Variants in DLG2 observed in about 807,000 individuals in gnomAD.
The protein encoded by DLG2 is disks large homolog 2.
DLG2 carries 45 observed loss-of-function variants against 132.5 expected under a neutral mutation model. The ratio of observed to expected loss-of-function variants is 0.34; its 90% CI spans 0.27 to 0.44. DLG2 has a LOEUF of 0.44. Among genes scored for constraint, DLG2 ranks in the 20% least tolerant of loss-of-function variants. The probability of loss-of-function intolerance (pLI) is 1.00; values close to 1 mark genes in which losing one functional copy is unlikely to be tolerated. For missense variants in DLG2, 1,045 were observed against 1,196.9 expected (o/e 0.87, Z 1.87); for synonymous variants, 424 against 419.6 (o/e 1.01, Z -0.13).
intron 3 of DLG2, among the ~76,000 whole-genome samples, chr11:85,370,689 C>T (rs765826807): frequency 5.3e-5 from 8 of 152,066 alleles, no homozygotes; most frequent in East Asian, 1.9e-4. Flanking sequence ...AACAGCCTTC[C>T]GAAAATCAAA....
At chr11:85,205,731 C>G (rs371963659) in intron 4 of DLG2, among the ~76,000 whole-genome samples, 1 of 152,032 alleles carries the variant, frequency 6.6e-6, no homozygotes, top group Admixed American at 6.6e-5. Flanking sequence ...AAATGAGCAG[C>G]CCAATTAGGA....
rs368360420 is a variant in DLG2, at chr11:84,578,422, T to A, written c.358-43691A>T. Among the ~76,000 whole-genome samples the A allele has an allele frequency of 2.7e-3, 409 of 152,318 alleles. 2 individuals are homozygous for A. Among genetic ancestry groups the A allele is most frequent in the African/African-American group, 9.5e-3 (395 of 41,574 alleles). On this transcript the variant is annotated intron_variant, in intron 6 of 27. Coordinates refer to ENST00000376104, the MANE Select transcript of DLG2 (RefSeq NM_001142699.3). ...CCCTGCAAAGCCACAGAGGCAGAGC[T>A]GCCCAAGAGCATGGGAACCCATCTC...
At chr11:84,345,822 T>C (rs1427475029) in intron 7 of DLG2, among the ~76,000 whole-genome samples, 2 of 152,200 alleles carry the variant, frequency 1.3e-5, no homozygotes, top group Non-Finnish European at 2.9e-5. Flanking sequence ...AGGTCATTTG[T>C]CTATTTATTG....
At chr11:85,305,581 C>T (rs2079884450) in intron 3 of DLG2, among the ~76,000 whole-genome samples, 1 of 152,058 alleles carries the variant, frequency 6.6e-6, no homozygotes, top group African/African-American at 2.4e-5. Flanking sequence ...GGCGCGATCT[C>T]GGCTCACTGC....
chr11:84,345,287 C>T (rs775041220), intron 7 of DLG2, among the ~76,000 whole-genome samples: 13 of 152,210 alleles, frequency 8.5e-5, no homozygotes, highest in South Asian at 2.1e-4. Context: ...ATTTTGAAAC[C>T]GGTATATTTG....
intron 15 of DLG2, among the ~76,000 whole-genome samples, chr11:83,882,531 A>C (rs750117532): frequency 3.9e-5 from 6 of 152,184 alleles, no homozygotes; most frequent in Non-Finnish European, 8.8e-5. Context: ...AAATGGCTTC[A>C]CTCAACAGTC....
intron 15 of DLG2, among the ~76,000 whole-genome samples, chr11:83,928,630 G>A (rs960578058): frequency 4.6e-5 from 7 of 152,054 alleles, no homozygotes; most frequent in Admixed American, 4.6e-4. Context: ...AATGGCTAAT[G>A]GTCTGCCAGG....
chr11:83,872,726 C>T (rs2063719188), intron 16 of DLG2, among the ~76,000 whole-genome samples: 1 of 152,136 alleles, frequency 6.6e-6, no homozygotes, highest in African/African-American at 2.4e-5. Context: ...TGGAGATAGC[C>T]TTAGAAGGAA....
At chr11:83,915,380 A>T (rs2076756923) in intron 15 of DLG2, among the ~76,000 whole-genome samples, 1 of 152,184 alleles carries the variant, frequency 6.6e-6, no homozygotes, top group Admixed American at 6.6e-5. Context: ...AAAGCAAACA[A>T]AACTAGGTTG....
chr11:83,779,255 G>A (rs1351291120), intron 18 of DLG2, among the ~76,000 whole-genome samples: 1 of 152,076 alleles, frequency 6.6e-6, no homozygotes, highest in Non-Finnish European at 1.5e-5. Context: ...CACGAAGAAG[G>A]TAGGATGGAA....
rs2076410326 is a variant in DLG2, at chr11:85,140,689, T to C, written c.282+13867A>G. Among the ~76,000 whole-genome samples, 2 of 151,792 alleles carry C rather than the reference T, an allele frequency of 1.3e-5. 1 individual carries two copies. Among genetic ancestry groups the C allele is most frequent in the South Asian group, 4.1e-4 (2 of 4,824 alleles). On this transcript the variant is annotated intron_variant, in intron 5 of 27. Transcript: ENST00000376104. ...AGATCTTATTCATTCCATCTAACTA[T>C]ACTTTTATATAAATTAACCATCCCC... is the stretch of plus-strand genomic sequence containing the variant.
chr11:84,515,222 T>G (rs1159604639), intron 7 of DLG2, among the ~76,000 whole-genome samples: 1 of 151,376 alleles, frequency 6.6e-6, no homozygotes, highest in Non-Finnish European at 1.5e-5. Context: ...TACTTAAATA[T>G]AAATAGATTA....
chr11:84,555,874 G>C (rs1301072352), intron 6 of DLG2, among the ~76,000 whole-genome samples: 1 of 152,198 alleles, frequency 6.6e-6, no homozygotes, highest in African/African-American at 2.4e-5. Context: ...GATTCAAAGG[G>C]AGAGGGCAAA....
chr11:85,136,178 G>A (rs980862112), intron 5 of DLG2, among the ~76,000 whole-genome samples: 1 of 152,174 alleles, frequency 6.6e-6, no homozygotes, highest in African/African-American at 2.4e-5. Flanking sequence ...CTTTATTTGA[G>A]AAAGAAGAGC....
intron 6 of DLG2, among the ~76,000 whole-genome samples, chr11:84,839,951 C>T (rs1371301432): frequency 6.6e-6 from 1 of 152,094 alleles, no homozygotes; most frequent in African/African-American, 2.4e-5. Context: ...ATGACTAAAA[C>T]ACCAAAAGCA....
At chr11:85,370,761 A>C (rs1243183245) in intron 3 of DLG2, among the ~76,000 whole-genome samples, 2 of 152,124 alleles carry the variant, frequency 1.3e-5, no homozygotes, top group African/African-American at 2.4e-5. Context: ...AGGGCCCCTG[A>C]CGTGTCCAGA....
intron 6 of DLG2, among the ~76,000 whole-genome samples, chr11:84,732,743 A>C (rs1185634039): frequency 2.0e-5 from 3 of 151,910 alleles, no homozygotes; most frequent in Non-Finnish European, 4.4e-5. Context: ...TGCTGCACCC[A>C]TTAACTCGTC....
intron 18 of DLG2, among the ~76,000 whole-genome samples, chr11:83,639,284 C>T (rs1262941044): frequency 4.8e-4 from 73 of 152,134 alleles, no homozygotes; most frequent in Admixed American, 4.8e-3. Context: ...AAGAGGAAGC[C>T]ATAAACGGAG....
At chr11:84,019,720 G>A (rs1354887598) in intron 11 of DLG2, among the ~76,000 whole-genome samples, 3 of 152,132 alleles carry the variant, frequency 2.0e-5, no homozygotes, top group Non-Finnish European at 4.4e-5. Context: ...AGAATGACAC[G>A]TGAAGACCGA....
Sources: allele counts gnomAD v4.1 joint callset (sites outside exome capture counted in the v4.1 genomes callset), GRCh38; gene constraint gnomAD v4.1.1; transcripts MANE v1.5; gene names NCBI Gene and HGNC (gene_info 2026-07-23, HGNC 2026-07-21).